The following RYR2 variants were observed in gnomAD, a reference collection of about 807,000 sequenced individuals.
The protein encoded by RYR2 is cardiac muscle ryanodine receptor-calcium release channel.
A neutral mutation model predicts 601.1 loss-of-function variants in RYR2; 227 were observed. The ratio of observed to expected loss-of-function variants is 0.38; its 90% CI spans 0.34 to 0.42. The LOEUF is 0.42. Among genes scored for constraint, RYR2 ranks in the 10% least tolerant of loss-of-function variants. The probability of loss-of-function intolerance (pLI) is 1.00; values close to 1 mark genes in which losing one functional copy is unlikely to be tolerated. For missense variants in RYR2, 4,646 were observed against 6,156.5 expected (o/e 0.75, Z 8.21); for synonymous variants, 2,223 against 2,175.1 (o/e 1.02, Z -0.61).
chr1:237,813,057 T>C (rs1661420717), intron 100 of RYR2, among the ~76,000 whole-genome samples: 1 of 152,058 alleles, frequency 6.6e-6, no homozygotes, highest in Non-Finnish European at 1.5e-5. Flanking sequence ...GGGCTGAAGA[T>C]GTGTTAAGGA....
At chr1:237,588,889 T>A (rs995139198) in intron 29 of RYR2, among the ~76,000 whole-genome samples, 1 of 109,734 alleles carries the variant, frequency 9.1e-6, no homozygotes, top group Admixed American at 8.7e-5. Flanking sequence ...CTCATCCCCT[T>A]GTGAAAAAAA....
intron 1 of RYR2, among the ~76,000 whole-genome samples, chr1:237,183,127 T>C (rs767730151): frequency 6.6e-6 from 1 of 152,160 alleles, no homozygotes. Flanking sequence ...GTTAGGGGCT[T>C]GCAGATTGGA....
rs529765412 is a variant in RYR2 at position 237,267,773 on chromosome 1, T to C, written c.49-2724T>C. 55 of 155,910 alleles carry C rather than the reference T, an allele frequency of 3.5e-4. 1 individual carries two copies. The South Asian group carries it at 9.5e-3, about 27-fold the overall frequency. The allele number at this position is 155,910 out of a possible 1,614,324, so 9.7% of individuals were successfully genotyped here. A position where few individuals can be genotyped will look rare whatever the true frequency, so the allele number is the denominator to read the frequency against. ...TAGAGAAGCACTTTAACATACATGGTAAAATCAATTGAGTCTCTAGAAGCA... is the reference window on the plus strand; with the variant it reads ...TAGAGAAGCACTTTAACATACATGGCAAAATCAATTGAGTCTCTAGAAGCA... On this transcript the variant is annotated intron_variant, in intron 1 of 104. Transcript: ENST00000366574.
chr1:237,728,728 G>T (rs201243041), intron 76 of RYR2, among the ~76,000 whole-genome samples: 1 of 138,792 alleles, frequency 7.2e-6, no homozygotes, highest in African/African-American at 2.7e-5. Context: ...AGTGGGAGTC[G>T]AACAATGAGA....
chr1:237,138,961 G>A (rs530009093), intron 1 of RYR2, among the ~76,000 whole-genome samples: 25 of 152,202 alleles, frequency 1.6e-4, no homozygotes, highest in Admixed American at 1.3e-3. Flanking sequence ...TAGCTGCCAC[G>A]GAAAACAGAC....
intron 1 of RYR2, among the ~76,000 whole-genome samples, chr1:237,202,345 C>T (rs1681284341): frequency 1.3e-5 from 2 of 152,114 alleles, no homozygotes; most frequent in South Asian, 4.1e-4. Context: ...TTGATGGTCA[C>T]TTAGCAAAAT....
intron 80 of RYR2, among the ~76,000 whole-genome samples, chr1:237,744,566 G>A (rs1691903257): frequency 6.6e-6 from 1 of 152,136 alleles, no homozygotes; most frequent in Admixed American, 6.5e-5. Context: ...CGAGGCAGGA[G>A]AATCACTTGA....
At chr1:237,130,581 G>A (rs1057121902) in intron 1 of RYR2, among the ~76,000 whole-genome samples, 1 of 152,008 alleles carries the variant, frequency 6.6e-6, no homozygotes, top group Non-Finnish European at 1.5e-5. Context: ...GCGTGGTGGT[G>A]TGCACCTGTA....
At chr1:237,234,652 A>G (rs1426218193) in intron 1 of RYR2, among the ~76,000 whole-genome samples, 2 of 152,228 alleles carry the variant, frequency 1.3e-5, no homozygotes. Context: ...TTTTGTTATG[A>G]TTATTAAGCA....
intron 3 of RYR2, among the ~76,000 whole-genome samples, chr1:237,341,969 G>A (rs1697845450): frequency 6.6e-6 from 1 of 152,152 alleles, no homozygotes; most frequent in Non-Finnish European, 1.5e-5. Flanking sequence ...TGTCCAAAGT[G>A]TCCCAGTCTG....
At chr1:237,701,882 T>C (rs1308812894) in intron 65 of RYR2, 96 bp from the exon 66 acceptor site, 2 of 656,432 alleles carry the variant, frequency 3.0e-6, no homozygotes, top group Non-Finnish European at 5.4e-6. Context: ...ATGAATAGTA[T>C]ATAGCCTAAA....
intron 101 of RYR2, among the ~76,000 whole-genome samples, chr1:237,822,485 A>AT (rs199548353): frequency 0.03 from 4,540 of 152,266 alleles, 217 homozygotes; most frequent in African/African-American, 0.1. Context: ...ATGCTGAGAG[A>AT]TTTTATCACC....
At chr1:237,307,734 C>G (rs915601431) in intron 2 of RYR2, among the ~76,000 whole-genome samples, 1 of 152,172 alleles carries the variant, frequency 6.6e-6, no homozygotes, top group African/African-American at 2.4e-5. Flanking sequence ...TTATGGCTCT[C>G]AGGCCTAAAC....
At chr1:237,160,254 A>G (rs534330411) in intron 1 of RYR2, among the ~76,000 whole-genome samples, 1 of 152,344 alleles carries the variant, frequency 6.6e-6, no homozygotes, top group African/African-American at 2.4e-5. Flanking sequence ...ATACACATGA[A>G]TGATCTCATT....
intron 1 of RYR2, among the ~76,000 whole-genome samples, chr1:237,044,185 GTTTT>G (rs4006365): frequency 1.3e-5 from 2 of 150,520 alleles, no homozygotes; most frequent in East Asian, 3.9e-4. Context: ...GACTATAAGG[GTTTT>G]TTTTTTTTTA....
chr1:237,424,509 G>T (rs1408292221), intron 12 of RYR2, among the ~76,000 whole-genome samples: 1 of 152,150 alleles, frequency 6.6e-6, no homozygotes, highest in South Asian at 2.1e-4. Flanking sequence ...GTTATTAGAT[G>T]AGGAAAAGAT....
chr1:237,307,912 G>A lies in RYR2; in HGVS notation c.169-22966G>A, dbSNP rs113593318. On this transcript the variant is annotated intron_variant, in intron 2 of 104. Transcript: ENST00000366574. ...TTATCAGAGGCATTCGAGCCAGAGC[G>A]ACTCCATTTTGAGTGAAGGCTAGGA... Among the ~76,000 whole-genome samples, 1,016 of 127,144 alleles carry A rather than the reference G, an allele frequency of 8.0e-3. 16 individuals carry two copies. Among genetic ancestry groups the A allele is most frequent in the African/African-American group, 0.027 (953 of 35,060 alleles). The allele number at this position is 127,144 out of a possible 152,430, so 83.4% of individuals were successfully genotyped here. A position where few individuals can be genotyped will look rare whatever the true frequency, so the allele number is the denominator to read the frequency against.
intron 29 of RYR2, among the ~76,000 whole-genome samples, chr1:237,589,545 A>C (rs1674915975): frequency 6.6e-6 from 1 of 152,208 alleles, no homozygotes; most frequent in African/African-American, 2.4e-5. Context: ...TACAGAGTTA[A>C]GTCTGAGATG....
intron 80 of RYR2, among the ~76,000 whole-genome samples, chr1:237,754,416 T>C (rs867766518): frequency 1.3e-5 from 2 of 152,284 alleles, no homozygotes; most frequent in African/African-American, 4.8e-5. Context: ...GGAGCACAAA[T>C]GGCAAATTGT....
Sources: allele counts gnomAD v4.1 joint callset (sites outside exome capture counted in the v4.1 genomes callset), GRCh38; gene constraint gnomAD v4.1.1; transcripts MANE v1.5; gene names NCBI Gene and HGNC (gene_info 2026-07-23, HGNC 2026-07-21).